The following SAE1 variants were observed in gnomAD, a reference collection of about 807,000 sequenced individuals.
SAE1 encodes the protein SUMO1 activating enzyme subunit 1.
A neutral mutation model predicts 40.6 loss-of-function variants in SAE1; 11 were observed. That is an observed-to-expected ratio of 0.27 (90% CI 0.17 to 0.45). The LOEUF (loss-of-function observed/expected upper bound fraction) is 0.45. Ranked by LOEUF, SAE1 falls within the 20% of genes least tolerant of loss-of-function variation. SAE1 has a pLI of 1.00. For missense variants in SAE1, 373 were observed against 427.3 expected (o/e 0.87, Z 1.12); for synonymous variants, 155 against 154.3 (o/e 1.00, Z -0.03).
At chr19:47,149,993 A>G (rs1047601021) in intron 2 of SAE1, among the ~76,000 whole-genome samples, 1 of 149,514 alleles carries the variant, frequency 6.7e-6, no homozygotes. Context: ...GAGGAGAATC[A>G]TTTGAACCCA....
chr19:47,190,353 G>A (rs1021040615), intron 6 of SAE1, among the ~76,000 whole-genome samples: 6 of 152,148 alleles, frequency 3.9e-5, no homozygotes, highest in Admixed American at 6.6e-5. Flanking sequence ...GTATGTGTGC[G>A]TGTTTGGCTC....
At chr19:47,141,235 C>T (rs1397718068) in intron 1 of SAE1, among the ~76,000 whole-genome samples, 1 of 152,066 alleles carries the variant, frequency 6.6e-6, no homozygotes, top group Non-Finnish European at 1.5e-5. Context: ...CCCCTGGACT[C>T]AAGTGATCTG....
intron 6 of SAE1, 86 bp downstream of exon 6, chr19:47,170,009 G>A: frequency 1.0e-6 from 1 of 998,314 alleles, no homozygotes; most frequent in Admixed American, 1.8e-5. Flanking sequence ...ATGGTTTTGT[G>A]ATGTTTGCCT....
At chr19:47,209,094 T>C in intron 8 of SAE1, 65 bp from the exon 9 acceptor site, 1 of 1,468,194 alleles carries the variant, frequency 6.8e-7, no homozygotes, top group Non-Finnish European at 9.3e-7. Flanking sequence ...GCTTTTAGAA[T>C]TTTTTTTTCC....
intron 5 of SAE1, among the ~76,000 whole-genome samples, chr19:47,167,465 C>A (rs1005511242): frequency 5.3e-5 from 8 of 151,934 alleles, no homozygotes; most frequent in Admixed American, 5.3e-4. Flanking sequence ...TGGTCTCGAT[C>A]TCCTGACCTT....
At position 47,196,367 on chromosome 19, in the gene SAE1, T is replaced by A. The variant is rs868306926; in HGVS notation, c.734-866T>A. Among the ~76,000 whole-genome samples, 549 of 97,044 alleles carry A rather than the reference T, an allele frequency of 5.7e-3. 3 individuals are homozygous for A. Among genetic ancestry groups the A allele is most frequent in the African/African-American group, 0.022 (517 of 23,574 alleles). The allele number at this position is 97,044 out of a possible 152,430, so 63.7% of individuals were successfully genotyped here. A position where few individuals can be genotyped will look rare whatever the true frequency, so the allele number is the denominator to read the frequency against. On this transcript the variant is annotated intron_variant, in intron 6 of 8. Coordinates refer to ENST00000270225, the MANE Select transcript of SAE1 (RefSeq NM_005500.3). Reference sequence around the variant, plus strand: ...TTTTTTTTTTTTTTTTTTTTTTTTTTAATTTTACTTTTTTGAGACGGAGTC... The same window carrying A: ...TTTTTTTTTTTTTTTTTTTTTTTTTAAATTTTACTTTTTTGAGACGGAGTC...
chr19:47,144,417 A>G (rs752291501), intron 2 of SAE1, among the ~76,000 whole-genome samples: 4 of 148,910 alleles, frequency 2.7e-5, no homozygotes, highest in Non-Finnish European at 4.5e-5. Flanking sequence ...ACACTGGATC[A>G]GGCCAGGCAC....
intron 3 of SAE1, among the ~76,000 whole-genome samples, chr19:47,152,550 T>G (rs1001030721): frequency 1.1e-4 from 16 of 152,372 alleles, no homozygotes; most frequent in Admixed American, 3.9e-4. Flanking sequence ...TTAATAGATT[T>G]AGCAGTATAG....
At chr19:47,139,744 A>G (rs984765288) in intron 1 of SAE1, among the ~76,000 whole-genome samples, 5 of 134,892 alleles carry the variant, frequency 3.7e-5, no homozygotes, top group Admixed American at 2.3e-4. Flanking sequence ...ACCCGCCACC[A>G]CTCCCGGCCA....
intron 1 of SAE1, among the ~76,000 whole-genome samples, chr19:47,134,932 G>A (rs2058168991): frequency 6.6e-6 from 1 of 152,080 alleles, no homozygotes; most frequent in African/African-American, 2.4e-5. Context: ...GCAGGAGGGA[G>A]GGAAGAGGTT....
At chr19:47,160,944 GA>G (rs2058356151) in intron 5 of SAE1, among the ~76,000 whole-genome samples, 1 of 152,188 alleles carries the variant, frequency 6.6e-6, no homozygotes, top group Non-Finnish European at 1.5e-5. Flanking sequence ...CCAGGTAGGA[GA>G]GTTAGTTGGG....
chr19:47,206,854 T>C (rs1053968891), intron 8 of SAE1, among the ~76,000 whole-genome samples: 1 of 152,210 alleles, frequency 6.6e-6, no homozygotes, highest in Non-Finnish European at 1.5e-5. Flanking sequence ...TCACATTTCA[T>C]TCTCACCAAA....
At chr19:47,206,493 CCTTT>C (rs1454189027) in intron 8 of SAE1, among the ~76,000 whole-genome samples, 1 of 152,138 alleles carries the variant, frequency 6.6e-6, no homozygotes, top group African/African-American at 2.4e-5. Context: ...TTGCGTCTTT[CCTTT>C]CTTACGTCCT....
chr19:47,161,810 A>G (rs976686530), intron 5 of SAE1, among the ~76,000 whole-genome samples: 5 of 152,142 alleles, frequency 3.3e-5, no homozygotes, highest in African/African-American at 1.2e-4. Flanking sequence ...TTTCCAAGCA[A>G]CACATAGAAT....
At chr19:47,158,542 T>C (rs1293957351) in intron 5 of SAE1, among the ~76,000 whole-genome samples, 1 of 152,132 alleles carries the variant, frequency 6.6e-6, no homozygotes, top group Non-Finnish European at 1.5e-5. Flanking sequence ...GTTGTTTGTG[T>C]TGGCATGTGA....
At chr19:47,159,990 A>T (rs934868560) in intron 5 of SAE1, among the ~76,000 whole-genome samples, 1 of 152,204 alleles carries the variant, frequency 6.6e-6, no homozygotes, top group Admixed American at 6.5e-5. Context: ...CACAGCTTCC[A>T]GCCTGATTGT....
At chr19:47,137,703 T>TTGTGTGTGTGTGTGTG (rs35991953) in intron 1 of SAE1, among the ~76,000 whole-genome samples, 6 of 135,036 alleles carry the variant, frequency 4.4e-5, no homozygotes, top group African/African-American at 1.6e-4. Flanking sequence ...ACTCAGCTGA[T>TTGTGTGTGTGTGTGTG]TGTGTGTGTG....
chr19:47,166,585 G>A (rs1006829174), intron 5 of SAE1, among the ~76,000 whole-genome samples: 4 of 152,090 alleles, frequency 2.6e-5, no homozygotes, highest in African/African-American at 9.7e-5. Flanking sequence ...TCATCATATA[G>A]TAGCCTAACA....
intron 6 of SAE1, among the ~76,000 whole-genome samples, chr19:47,195,055 CTT>C (rs796120464): frequency 3.0e-5 from 4 of 135,472 alleles, no homozygotes; most frequent in Admixed American, 7.5e-5. Flanking sequence ...CCTGGCCAGT[CTT>C]TTTTTTTTTT....
Sources: gnomAD v4.1 joint callset for allele counts (sites outside exome capture counted in the v4.1 genomes callset) on GRCh38, gnomAD v4.1.1 for gene constraint, MANE v1.5 for transcripts, NCBI Gene and HGNC (gene_info 2026-07-23, HGNC 2026-07-21) for gene names.